SIPA1L2: variants seen among roughly 807,000 people sequenced by gnomAD.
The protein encoded by SIPA1L2 is signal induced proliferation associated 1 like 2, also known as signal-induced proliferation-associated 1-like protein 2.
A neutral mutation model predicts 163.9 loss-of-function variants in SIPA1L2; 56 were observed. The ratio of observed to expected loss-of-function variants is 0.34; its 90% CI spans 0.28 to 0.43. SIPA1L2 has a LOEUF of 0.43. Among genes scored for constraint, SIPA1L2 ranks in the 20% least tolerant of loss-of-function variants. The pLI, the probability that SIPA1L2 is intolerant of heterozygous loss-of-function variation, is 1.00. For synonymous variants in SIPA1L2, 877 were observed against 865.7 expected (o/e 1.01, Z -0.23); for missense variants, 1,974 against 2,193.5 (o/e 0.90, Z 2.00).
At chr1:232,538,993 T>C (rs1239012410) in intron 2 of SIPA1L2, among the ~76,000 whole-genome samples, 2 of 152,262 alleles carry the variant, frequency 1.3e-5, no homozygotes, top group African/African-American at 4.8e-5. Context: ...TTTCTACTCC[T>C]CTTAATCCTG....
chr1:232,421,296 G>A (rs919035952), intron 18 of SIPA1L2, among the ~76,000 whole-genome samples: 3 of 151,804 alleles, frequency 2.0e-5, no homozygotes, highest in South Asian at 4.1e-4. Flanking sequence ...CACTGCCTGC[G>A]CACCTGCTCT....
intron 19 of SIPA1L2, among the ~76,000 whole-genome samples, chr1:232,413,256 C>G (rs889308879): frequency 6.6e-6 from 1 of 152,146 alleles, no homozygotes; most frequent in Non-Finnish European, 1.5e-5. Flanking sequence ...TGTAAAAGAC[C>G]TAGAAGAGTA....
At chr1:232,613,480 C>CA (rs1265125256) in intron 1 of SIPA1L2, among the ~76,000 whole-genome samples, 1 of 152,142 alleles carries the variant, frequency 6.6e-6, no homozygotes, top group African/African-American at 2.4e-5. Context: ...GTCAAGGGAA[C>CA]CTTCTCCAGG....
intron 19 of SIPA1L2, among the ~76,000 whole-genome samples, chr1:232,411,601 T>C (rs571390717): frequency 6.6e-5 from 10 of 151,698 alleles, no homozygotes; most frequent in Admixed American, 1.3e-4. Context: ...CTTTTTTTTT[T>C]ACAACTTACT....
chr1:232,442,768 C>G (rs1248695757), intron 12 of SIPA1L2, among the ~76,000 whole-genome samples: 1 of 152,042 alleles, frequency 6.6e-6, no homozygotes, highest in Non-Finnish European at 1.5e-5. Flanking sequence ...CCAAAAAAGC[C>G]AACATCAAAA....
At chr1:232,462,471 A>G (rs900148645) in intron 9 of SIPA1L2, 4 of 1,061,700 alleles carry the variant, frequency 3.8e-6, no homozygotes, top group South Asian at 3.7e-5. Flanking sequence ...TGATGTTTCC[A>G]TGGTTACCAC....
intron 12 of SIPA1L2, among the ~76,000 whole-genome samples, 194 bp downstream of exon 12, chr1:232,443,408 A>T (rs1238085551): frequency 6.6e-6 from 1 of 152,236 alleles, no homozygotes; most frequent in Non-Finnish European, 1.5e-5. Flanking sequence ...GGCTGAGAAC[A>T]TCGACAAGTG....
At chr1:232,531,788 G>C (rs1359601476) in intron 2 of SIPA1L2, among the ~76,000 whole-genome samples, 1 of 152,146 alleles carries the variant, frequency 6.6e-6, no homozygotes, top group Admixed American at 6.5e-5. Flanking sequence ...TGCCGGTATG[G>C]GCGTTAACGG....
At chr1:232,527,724 TC>T (rs1431690108) in intron 2 of SIPA1L2, among the ~76,000 whole-genome samples, 44 of 90,286 alleles carry the variant, frequency 4.9e-4, no homozygotes, top group Non-Finnish European at 8.6e-4. Flanking sequence ...TTCTTCTTCT[TC>T]TTTTTTTTTT....
At chr1:232,457,293 G>C (rs761082169) in intron 10 of SIPA1L2, among the ~76,000 whole-genome samples, 1 of 152,128 alleles carries the variant, frequency 6.6e-6, no homozygotes, top group Non-Finnish European at 1.5e-5. Context: ...GGAGGAGCTG[G>C]GCTCCCATGT....
At chr1:232,573,387 G>A (rs1659907772) in intron 2 of SIPA1L2, among the ~76,000 whole-genome samples, 1 of 152,190 alleles carries the variant, frequency 6.6e-6, no homozygotes, top group Admixed American at 6.5e-5. Context: ...AGTGCTTAGG[G>A]GTAAAAGGTC....
At chr1:232,406,162 G>A (rs914173336) in intron 19 of SIPA1L2, among the ~76,000 whole-genome samples, 1 of 152,174 alleles carries the variant, frequency 6.6e-6, no homozygotes, top group Non-Finnish European at 1.5e-5. Context: ...TGCCCCTTCA[G>A]CTTATTTCTG....
At chr1:232,530,007 GC>G (rs1417725864) in intron 2 of SIPA1L2, among the ~76,000 whole-genome samples, 1 of 152,190 alleles carries the variant, frequency 6.6e-6, no homozygotes, top group Non-Finnish European at 1.5e-5. Flanking sequence ...GGTGATTAAA[GC>G]ATAACTTCTC....
At position 232,398,419 on chromosome 1, in the gene SIPA1L2, G is replaced by A. The variant is rs562225089; in HGVS notation, c.*708C>T. The A allele has an allele frequency of 2.6e-5, 4 of 152,600 alleles. No homozygotes were observed. The highest frequency in any genetic ancestry group is 4.8e-5 in the African/African-American group (2 of 41,512). 9.5% of individuals were successfully genotyped at this position (152,600 alleles called of 1,614,324 possible). On this transcript the variant is annotated 3_prime_UTR_variant, in exon 23 of 23. Coordinates refer to ENST00000674635, the MANE Select transcript of SIPA1L2 (RefSeq NM_020808.5). ...GAGTTGAAGTGACTACTGACCACTC[G>A]GTGAGCCATTTACAAGGCATATGTA...
intron 1 of SIPA1L2, among the ~76,000 whole-genome samples, chr1:232,603,581 A>G (rs1187488564): frequency 6.6e-6 from 1 of 152,182 alleles, no homozygotes; most frequent in Non-Finnish European, 1.5e-5. Flanking sequence ...ACCAGGACCC[A>G]CAGAGCCGGG....
chr1:232,586,421 G>C (rs976737116), intron 1 of SIPA1L2, among the ~76,000 whole-genome samples: 5 of 152,084 alleles, frequency 3.3e-5, no homozygotes, highest in Non-Finnish European at 5.9e-5. Flanking sequence ...TACTGCAAAG[G>C]GCAATTGAAG....
Position 232,551,543 on chromosome 1 carries a change from C to G in SIPA1L2, c.-270+22631G>C, listed in dbSNP as rs148714794. On this transcript the variant is annotated intron_variant, in intron 2 of 22. Coordinates refer to ENST00000674635, the MANE Select transcript of SIPA1L2 (RefSeq NM_020808.5). The stretch of plus-strand genomic sequence containing the variant: ...ATGTCAAACTGACAAAGCAGTAGTA[C>G]TCCCAAGAAGAGCGGTGGGAATTTC... 3.1e-3 allele frequency among the ~76,000 whole-genome samples: 471 copies of G among 152,346 alleles called. 1 individual carries two copies. Among genetic ancestry groups the G allele is most frequent in the African/African-American group, 9.7e-3 (404 of 41,588 alleles).
intron 19 of SIPA1L2, among the ~76,000 whole-genome samples, chr1:232,409,687 C>G (rs1436299579): frequency 6.6e-6 from 1 of 152,150 alleles, no homozygotes; most frequent in Non-Finnish European, 1.5e-5. Context: ...CTCAGCCATT[C>G]CAGACACAGA....
chr1:232,597,762 T>A (rs1661359591), intron 1 of SIPA1L2, among the ~76,000 whole-genome samples: 1 of 149,444 alleles, frequency 6.7e-6, no homozygotes, highest in Admixed American at 6.6e-5. Context: ...AGGCCCCTAC[T>A]GTGATCCAGG....
Sources: allele counts gnomAD v4.1 joint callset (sites outside exome capture counted in the v4.1 genomes callset), GRCh38; gene constraint gnomAD v4.1.1; transcripts MANE v1.5; gene names NCBI Gene and HGNC (gene_info 2026-07-23, HGNC 2026-07-21).